Variants in GRAMD4 observed in about 807,000 individuals in gnomAD.
GRAMD4 encodes GRAM domain-containing protein 4.
GRAMD4 carries 25 observed loss-of-function variants against 83.9 expected under a neutral mutation model. That is an observed-to-expected ratio of 0.30 (90% CI 0.22 to 0.42). The LOEUF (loss-of-function observed/expected upper bound fraction) is 0.42, where lower values mean the gene tolerates loss of function less well. GRAMD4 is among the 10% of genes least tolerant of loss of function. The probability of loss-of-function intolerance (pLI) is 1.00; values close to 1 mark genes in which losing one functional copy is unlikely to be tolerated. For synonymous variants in GRAMD4, 336 were observed against 320.9 expected (o/e 1.05, Z -0.50); for missense variants, 593 against 788.7 (o/e 0.75, Z 2.97).
intron 3 of GRAMD4, among the ~76,000 whole-genome samples, chr22:46,639,701 A>G (rs2081947250): frequency 6.6e-6 from 1 of 152,170 alleles, no homozygotes. Flanking sequence ...CATGTGCATC[A>G]GTATTAACCG....
chr22:46,660,920 G>C (rs1465641066), intron 4 of GRAMD4, among the ~76,000 whole-genome samples: 1 of 152,222 alleles, frequency 6.6e-6, no homozygotes, highest in Non-Finnish European at 1.5e-5. Flanking sequence ...TGGCCGTCTA[G>C]TGCCCCTGCC....
intron 1 of GRAMD4, among the ~76,000 whole-genome samples, chr22:46,586,582 A>T (rs1349674939): frequency 6.6e-6 from 1 of 152,142 alleles, no homozygotes; most frequent in Non-Finnish European, 1.5e-5. Flanking sequence ...TAGCCCCATG[A>T]CACAGAGACG....
intron 1 of GRAMD4, among the ~76,000 whole-genome samples, chr22:46,607,511 C>T (rs138534): frequency 0.76 from 115,720 of 152,008 alleles, 45,753 homozygotes; most frequent in East Asian, 1. Context: ...CTGTCCCTTA[C>T]GAAGTGTGGC....
intron 2 of GRAMD4, among the ~76,000 whole-genome samples, chr22:46,634,076 G>A (rs8135382): frequency 0.028 from 4,324 of 152,332 alleles, 191 homozygotes; most frequent in African/African-American, 0.097. Flanking sequence ...CCTGCCCTCT[G>A]TACCTTCAAG....
intron 1 of GRAMD4, among the ~76,000 whole-genome samples, chr22:46,585,734 T>C (rs2081143296): frequency 6.6e-6 from 1 of 152,036 alleles, no homozygotes; most frequent in African/African-American, 2.4e-5. Context: ...GTCTATGGGA[T>C]GGGGAAGGGC....
chr22:46,632,988 G>A (rs2081798596), intron 2 of GRAMD4, among the ~76,000 whole-genome samples: 1 of 152,200 alleles, frequency 6.6e-6, no homozygotes, highest in African/African-American at 2.4e-5. Flanking sequence ...CCCCCCGCCC[G>A]GTGGGGATGG....
At chr22:46,595,916 G>T (rs568281200) in intron 1 of GRAMD4, among the ~76,000 whole-genome samples, 1 of 152,356 alleles carries the variant, frequency 6.6e-6, no homozygotes, top group Non-Finnish European at 1.5e-5. Flanking sequence ...AGGAGTGGGT[G>T]CACAGGAGGA....
intron 3 of GRAMD4, among the ~76,000 whole-genome samples, chr22:46,646,015 C>T (rs907361955): frequency 3.3e-5 from 5 of 152,186 alleles, no homozygotes; most frequent in Admixed American, 3.3e-4. Flanking sequence ...TCTGAGGACC[C>T]TCGGGGCCAG....
At position 46,672,206 on chromosome 22, in the gene GRAMD4, G is replaced by C. The variant is rs1253249409; in HGVS notation, c.1085-637G>C. On this transcript the variant is annotated intron_variant, in intron 13 of 18. Transcript: ENST00000406902. The surrounding 1 kb of genome is among the most constrained non-coding windows in gnomAD (Gnocchi z 4.7). ...AGGTGGGGTCCTGGGGCGCAGTCAG[G>C]CCTGGCTCTTCTGAGGTCGTGTTTA... is the stretch of plus-strand genomic sequence containing the variant. 6.6e-6 allele frequency among the ~76,000 whole-genome samples: 1 copy of C among 152,246 alleles called. No individual in the cohort carries two copies. Among genetic ancestry groups the C allele is most frequent in the African/African-American group, 2.4e-5 (1 of 41,460 alleles).
At chr22:46,653,524 A>G (rs2082197767) in intron 3 of GRAMD4, among the ~76,000 whole-genome samples, 1 of 152,184 alleles carries the variant, frequency 6.6e-6, no homozygotes, top group South Asian at 2.1e-4. Context: ...GTCCGCATCC[A>G]TCCACATCTG....
At position 46,580,217 on chromosome 22, in the gene GRAMD4, C is replaced by T. The variant is rs9627511; in HGVS notation, c.-50+2927C>T. 3.0e-3 allele frequency among the ~76,000 whole-genome samples: 453 copies of T among 152,290 alleles called. 2 individuals carry two copies. Among genetic ancestry groups the T allele is most frequent in the African/African-American group, 9.8e-3 (406 of 41,560 alleles). On this transcript the variant is annotated intron_variant, in intron 1 of 1. Coordinates refer to the GRAMD4 transcript ENST00000431155. Reference sequence around the variant, plus strand: ...TAACAGGCAGAAGGCAGAGGGTGCTCGCTGGGAAGCAGCGTCTCTTGCCTG... The same window carrying T: ...TAACAGGCAGAAGGCAGAGGGTGCTTGCTGGGAAGCAGCGTCTCTTGCCTG...
rs1474070548 is a variant in GRAMD4 at position 46,675,388 on chromosome 22, C to G, written c.1479-80C>G. ...GTCCATCCCACTGGGGGCTGAGAGGCAGCCCCGGGAGACCCCCACCTGGTG... is the reference window on the plus strand; with the variant it reads ...GTCCATCCCACTGGGGGCTGAGAGGGAGCCCCGGGAGACCCCCACCTGGTG... On this transcript the variant is annotated intron_variant, in intron 16 of 18. Transcript: ENST00000406902. The G allele has an allele frequency of 4.3e-6, 4 of 925,508 alleles. No individual in the cohort carries two copies. The African/African-American group carries it at 4.9e-5, about 11-fold the overall frequency. 57.3% of individuals were successfully genotyped at this position (925,508 alleles called of 1,614,324 possible). A position where few individuals can be genotyped will look rare whatever the true frequency, so the allele number is the denominator to read the frequency against.
chr22:46,578,009 G>T (rs1331413641), intron 1 of GRAMD4, among the ~76,000 whole-genome samples: 1 of 152,220 alleles, frequency 6.6e-6, no homozygotes, highest in Non-Finnish European at 1.5e-5. Flanking sequence ...AGCCGGGTGG[G>T]CTGGTGCCCC....
intron 4 of GRAMD4, among the ~76,000 whole-genome samples, chr22:46,660,579 G>T (rs996808488): frequency 6.6e-6 from 1 of 152,166 alleles, no homozygotes; most frequent in African/African-American, 2.4e-5. Flanking sequence ...CTCTATTTTG[G>T]TTTTTAAGAA....
intron 1 of GRAMD4, among the ~76,000 whole-genome samples, chr22:46,608,403 G>T (rs904011700): frequency 1.1e-4 from 16 of 152,240 alleles, no homozygotes; most frequent in Admixed American, 7.2e-4. Context: ...TTTGGGCCGG[G>T]CATGGTGGCT....
chr22:46,610,070 G>C (rs1271650452), intron 1 of GRAMD4, among the ~76,000 whole-genome samples: 1 of 152,170 alleles, frequency 6.6e-6, no homozygotes, highest in East Asian at 1.9e-4. Flanking sequence ...GGTGGCACGT[G>C]GGATCCTTCA....
In GRAMD4 at chr22:46,678,893, GC is replaced by G. The variant is rs953294657; in HGVS notation, c.*1647del. The G allele has an allele frequency of 3.0e-6, 3 of 985,896 alleles. No homozygotes were observed. Among genetic ancestry groups the G allele is most frequent in the Non-Finnish European group, 2.4e-6 (2 of 829,992 alleles). 61.1% of individuals were successfully genotyped at this position (985,896 alleles called of 1,614,324 possible). ...GTCCTATCCCAGGCGGTGGAGCGGA[GC>G]CCCCGTGGCTCTGGACTGCGCGGAC... On this transcript the variant is annotated 3_prime_UTR_variant, in exon 19 of 19. Coordinates refer to ENST00000406902, the MANE Select transcript of GRAMD4 (RefSeq NM_015124.5).
rs71311624 is a variant in GRAMD4, at chr22:46,635,541, T to G, written c.163-2299T>G. Among the ~76,000 whole-genome samples the G allele has an allele frequency of 1.4e-4, 6 of 44,128 alleles. 1 individual carries two copies. The highest frequency in any genetic ancestry group is 2.6e-4 in the Admixed American group (1 of 3,908). The allele number at this position is 44,128 out of a possible 152,430, so 28.9% of individuals were successfully genotyped here. Reference sequence around the variant, plus strand: ...CCCCCGCCCCCGGCCACTCCTGTCCTGGGAGGCCGTGTCCTCCCTGCCCCC... The same window carrying G: ...CCCCCGCCCCCGGCCACTCCTGTCCGGGGAGGCCGTGTCCTCCCTGCCCCC... On this transcript the variant is annotated intron_variant, in intron 2 of 18. Transcript: ENST00000406902.
upstream of GRAMD4, among the ~76,000 whole-genome samples, chr22:46,618,166 G>A (rs775102472): frequency 3.9e-5 from 6 of 152,104 alleles, no homozygotes; most frequent in Non-Finnish European, 8.8e-5. This position sits in a 1 kb window ranked among gnomAD's most constrained non-coding sequence, Gnocchi z 5.8. Flanking sequence ...TGCCCACCAC[G>A]TGCCAAGCTC....
Sources: gnomAD v4.1 joint callset for allele counts (sites outside exome capture counted in the v4.1 genomes callset) on GRCh38, gnomAD v4.1.1 for gene constraint, Gnocchi (gnomAD v3.1) non-coding constraint, MANE v1.5 for transcripts, NCBI Gene and HGNC (gene_info 2026-07-23, HGNC 2026-07-21) for gene names.